The following DPP10 variants were observed in gnomAD, a reference collection of about 807,000 sequenced individuals.
DPP10 encodes the protein dipeptidyl peptidase like 10, also known as inactive dipeptidyl peptidase 10.
In DPP10, 33 loss-of-function variants were observed where a neutral mutation model predicts 120.9. That is an observed-to-expected ratio of 0.27 (90% CI 0.21 to 0.37). The LOEUF (loss-of-function observed/expected upper bound fraction) is 0.37. Ranked by LOEUF, DPP10 falls within the 10% of genes least tolerant of loss-of-function variation. The pLI is 1.00. For missense variants in DPP10, 816 were observed against 942.8 expected (o/e 0.87, Z 1.76); for synonymous variants, 337 against 326.1 (o/e 1.03, Z -0.36).
chr2:114,887,832 C>T (rs931147940), intron 1 of DPP10, among the ~76,000 whole-genome samples: 3 of 152,202 alleles, frequency 2.0e-5, no homozygotes, highest in Non-Finnish European at 4.4e-5. Flanking sequence ...TGACTCTGTT[C>T]TCTCATCTAG....
chr2:115,399,871 T>C (rs1446079539), intron 3 of DPP10, among the ~76,000 whole-genome samples: 4 of 96,892 alleles, frequency 4.1e-5, no homozygotes, highest in East Asian at 9.1e-4. Flanking sequence ...TAAGGAAATA[T>C]ATGAGATGGG....
chr2:115,327,692 T>C (rs2062448380), intron 2 of DPP10, among the ~76,000 whole-genome samples: 1 of 151,990 alleles, frequency 6.6e-6, no homozygotes, highest in South Asian at 2.1e-4. Flanking sequence ...TGCTTTTCCA[T>C]GAGATAACCA....
chr2:114,579,663 G>A (rs1309990057), intron 1 of DPP10, among the ~76,000 whole-genome samples: 1 of 152,094 alleles, frequency 6.6e-6, no homozygotes, highest in East Asian at 1.9e-4. Context: ...ATAAGACTTG[G>A]GAGCTTTCTG....
chr2:114,841,708 A>G (rs528213983), intron 1 of DPP10, among the ~76,000 whole-genome samples: 2 of 152,240 alleles, frequency 1.3e-5, no homozygotes, highest in East Asian at 3.9e-4. Flanking sequence ...GTTAAGAATC[A>G]AAGTGGAAAC....
At chr2:115,637,316 G>A (rs1387470789) in intron 5 of DPP10, among the ~76,000 whole-genome samples, 2 of 152,118 alleles carry the variant, frequency 1.3e-5, no homozygotes, top group Non-Finnish European at 2.9e-5. Context: ...AGGAAGGGGA[G>A]TAAAGTAACT....
At chr2:114,783,350 G>A (rs950633936) in intron 1 of DPP10, among the ~76,000 whole-genome samples, 8 of 152,050 alleles carry the variant, frequency 5.3e-5, no homozygotes, top group Admixed American at 3.3e-4. Context: ...GTTGAAATTC[G>A]AAGGTAACTA....
chr2:114,558,979 C>T (rs1440589953), intron 1 of DPP10, among the ~76,000 whole-genome samples: 2 of 152,162 alleles, frequency 1.3e-5, no homozygotes, highest in African/African-American at 2.4e-5. Flanking sequence ...AGTATATCTC[C>T]ATGTCCGAGT....
At chr2:115,582,782 CA>C (rs932043484) in intron 5 of DPP10, among the ~76,000 whole-genome samples, 1 of 151,862 alleles carries the variant, frequency 6.6e-6, no homozygotes, top group South Asian at 2.1e-4. Flanking sequence ...TACCACATTC[CA>C]AAAAAATGTC....
At chr2:114,886,432 CGATAT>C (rs888999239) in intron 1 of DPP10, among the ~76,000 whole-genome samples, 2 of 151,926 alleles carry the variant, frequency 1.3e-5, no homozygotes, top group African/African-American at 4.8e-5. Context: ...ATATTTTTAT[CGATAT>C]GATGATATTT....
intron 1 of DPP10, among the ~76,000 whole-genome samples, chr2:114,682,782 A>G (rs1040498301): frequency 2.4e-4 from 35 of 143,116 alleles, no homozygotes; most frequent in Middle Eastern, 3.6e-3. Flanking sequence ...CTATCTATCT[A>G]TCTATCTATC....
At chr2:114,527,867 C>G (rs115439073) in intron 1 of DPP10, among the ~76,000 whole-genome samples, 1 of 152,024 alleles carries the variant, frequency 6.6e-6, no homozygotes, top group Non-Finnish European at 1.5e-5. Context: ...ATGATAAGCA[C>G]GTATATAAAC....
intron 1 of DPP10, among the ~76,000 whole-genome samples, chr2:114,479,205 T>TTTG (rs1680786776): frequency 6.6e-6 from 1 of 152,174 alleles, no homozygotes; most frequent in South Asian, 2.1e-4. Flanking sequence ...TATTCCCAAG[T>TTTG]TTCTGTTTTG....
chr2:115,136,069 G>T (rs2050634815), intron 1 of DPP10, among the ~76,000 whole-genome samples: 1 of 151,986 alleles, frequency 6.6e-6, no homozygotes, highest in South Asian at 2.1e-4. Context: ...AGAAGTGGAA[G>T]GAACAGGGAA....
At chr2:115,093,527 A>C (rs796431532) in intron 1 of DPP10, among the ~76,000 whole-genome samples, 14 of 152,262 alleles carry the variant, frequency 9.2e-5, no homozygotes, top group African/African-American at 3.1e-4. Context: ...CTTTGGAAGG[A>C]AACCAAATCT....
chr2:115,477,983 C>G (rs1234609285), intron 3 of DPP10, among the ~76,000 whole-genome samples: 2 of 152,076 alleles, frequency 1.3e-5, no homozygotes. Context: ...AGCAGGAGCA[C>G]AAGAGTAGGG....
chr2:115,663,446 T>C (rs1170728563), intron 5 of DPP10, among the ~76,000 whole-genome samples: 1 of 152,152 alleles, frequency 6.6e-6, no homozygotes, highest in Non-Finnish European at 1.5e-5. Flanking sequence ...GTCTTGACTT[T>C]TTTCTGTCAA....
chr2:115,069,080 T>C (rs967868028), intron 1 of DPP10, among the ~76,000 whole-genome samples: 2 of 152,162 alleles, frequency 1.3e-5, no homozygotes, highest in African/African-American at 2.4e-5. Flanking sequence ...ATTTCTTTTG[T>C]ATTTCTGTAA....
intron 13 of DPP10, among the ~76,000 whole-genome samples, chr2:115,768,987 C>A (rs1209189138): frequency 1.3e-5 from 2 of 151,216 alleles, no homozygotes. Flanking sequence ...GGAAAGGTTA[C>A]TTTTTATCTA....
chr2:115,318,820 C>T (rs1295132239), intron 2 of DPP10, among the ~76,000 whole-genome samples: 1 of 152,042 alleles, frequency 6.6e-6, no homozygotes, highest in African/African-American at 2.4e-5. Flanking sequence ...TGTAGATTAT[C>T]TGAGATTTTC....
Sources: allele counts gnomAD v4.1 joint callset (sites outside exome capture counted in the v4.1 genomes callset), GRCh38; gene constraint gnomAD v4.1.1; transcripts MANE v1.5; gene names NCBI Gene and HGNC (gene_info 2026-07-23, HGNC 2026-07-21).